Variants in THBS4 observed in about 807,000 individuals in gnomAD.
The protein encoded by THBS4 is thrombospondin-4.
Under a neutral mutation model 115.7 loss-of-function variants are expected in THBS4, and 90 were observed. The observed-to-expected ratio is 0.78, with a 90% CI of 0.66 to 0.93. THBS4 has a LOEUF of 0.93. THBS4 is among the 40% of genes least tolerant of loss of function. The pLI, the probability that THBS4 is intolerant of heterozygous loss-of-function variation, is 0.00. For synonymous variants in THBS4, 460 were observed against 479.3 expected (o/e 0.96, Z 0.53); for missense variants, 1,087 against 1,232.7 (o/e 0.88, Z 1.77).
At chr5:80,041,406 G>T (rs1267594846) in intron 2 of THBS4, among the ~76,000 whole-genome samples, 1 of 152,142 alleles carries the variant, frequency 6.6e-6, no homozygotes, top group East Asian at 1.9e-4. Flanking sequence ...GGAGGAAGGG[G>T]ACAGATACAA....
In THBS4 at chr5:79,996,913, G is replaced by T. The variant is rs1438998683; in HGVS notation, n.82-1419G>T. ...TTATTTCTATACTTCACTCAAAGTG[G>T]TAAAACCTAATATACCAATAGACTG... On this transcript the variant is annotated intron_variant and non_coding_transcript_variant, in intron 1 of 3. Transcript: ENST00000510218. Among the ~76,000 whole-genome samples, 3 of 151,868 alleles carry T rather than the reference G, an allele frequency of 2.0e-5. No homozygotes were observed. The East Asian group carries it at 5.8e-4, about 29-fold the overall frequency.
At chr5:80,003,000 G>A (rs759700977) in intron 2 of THBS4, among the ~76,000 whole-genome samples, 2 of 151,830 alleles carry the variant, frequency 1.3e-5, no homozygotes, top group Non-Finnish European at 1.5e-5. Flanking sequence ...ACAGAACAGG[G>A]AATATACATT....
intron 2 of THBS4, among the ~76,000 whole-genome samples, chr5:80,017,826 T>C (rs1832280516): frequency 6.6e-6 from 1 of 152,200 alleles, no homozygotes; most frequent in Non-Finnish European, 1.5e-5. Flanking sequence ...TATTTTACTC[T>C]TATTCTTAAA....
chr5:79,996,406 A>G (rs1374216144), intron 1 of THBS4, among the ~76,000 whole-genome samples: 1 of 152,180 alleles, frequency 6.6e-6, no homozygotes, highest in Non-Finnish European at 1.5e-5. Flanking sequence ...TAAAAGTTTT[A>G]TTTGGAAATC....
intron 14 of THBS4, chr5:80,072,643 G>A (rs1216422647): frequency 4.1e-6 from 2 of 488,806 alleles, no homozygotes; most frequent in East Asian, 3.2e-5. Context: ...CGAACTTCAT[G>A]ATGCTCAATA....
intron 2 of THBS4, among the ~76,000 whole-genome samples, chr5:80,018,389 CTTT>C (rs35373315): frequency 6.0e-5 from 6 of 100,000 alleles, no homozygotes; most frequent in South Asian, 6.3e-4. Context: ...TTCAAATATA[CTTT>C]TTTTTTTTTT....
At chr5:80,006,318 C>G (rs752443314) in intron 2 of THBS4, among the ~76,000 whole-genome samples, 1 of 152,118 alleles carries the variant, frequency 6.6e-6, no homozygotes. Flanking sequence ...GTGCTTTCCC[C>G]TGTACTGTTC....
chr5:80,052,504 A>C (rs1833287306), intron 2 of THBS4: 1 of 152,180 alleles, frequency 6.6e-6, no homozygotes, highest in South Asian at 2.1e-4. Context: ...TTAATACTTT[A>C]CTTCAGGAAA....
At chr5:80,078,736 CT>C in intron 17 of THBS4, 184 bp from the exon 18 acceptor site, 1 of 534,914 alleles carries the variant, frequency 1.9e-6, no homozygotes, top group Middle Eastern at 5.1e-4. Context: ...TTTTTTTAAC[CT>C]TTACAAGCAC....
At chr5:80,025,799 C>T (rs532811098) in intron 2 of THBS4, among the ~76,000 whole-genome samples, 8 of 152,222 alleles carry the variant, frequency 5.3e-5, no homozygotes, top group Non-Finnish European at 1.0e-4. Context: ...AATTCCTCTA[C>T]TACATTTACT....
intron 2 of THBS4, among the ~76,000 whole-genome samples, chr5:80,043,438 G>A (rs1274191989): frequency 6.6e-6 from 1 of 152,154 alleles, no homozygotes; most frequent in Non-Finnish European, 1.5e-5. Flanking sequence ...GACATGGTAG[G>A]CTCCAGACAG....
At chr5:80,071,224 C>T in intron 13 of THBS4, 44 bp downstream of exon 13, 3 of 1,544,788 alleles carry the variant, frequency 1.9e-6, no homozygotes, top group Non-Finnish European at 2.6e-6. Context: ...ATTCAGTTGA[C>T]CTTGTTCCAT....
chr5:80,003,353 A>G (rs1433118272), intron 2 of THBS4, among the ~76,000 whole-genome samples: 1 of 152,160 alleles, frequency 6.6e-6, no homozygotes, highest in Non-Finnish European at 1.5e-5. Context: ...AGAGGATGAG[A>G]AGAAGAGGAG....
At chr5:80,021,534 A>C (rs1832374946) in intron 2 of THBS4, among the ~76,000 whole-genome samples, 1 of 152,022 alleles carries the variant, frequency 6.6e-6, no homozygotes, top group Admixed American at 6.6e-5. Context: ...TCTTAGAGAC[A>C]GGGTCTCTGT....
At chr5:80,029,967 CA>C (rs200352278) in intron 2 of THBS4, among the ~76,000 whole-genome samples, 2 of 149,868 alleles carry the variant, frequency 1.3e-5, no homozygotes, top group Admixed American at 6.6e-5. Flanking sequence ...GACTCCATCT[CA>C]AAAAAAAATA....
intron 1 of THBS4, among the ~76,000 whole-genome samples, chr5:80,039,566 T>C (rs937578827): frequency 2.6e-5 from 4 of 152,222 alleles, no homozygotes; most frequent in Non-Finnish European, 5.9e-5. Flanking sequence ...CAAATCACTT[T>C]CTACCAGCAC....
chr5:80,064,642 G>A (rs1580968387), intron 8 of THBS4, among the ~76,000 whole-genome samples: 2 of 152,166 alleles, frequency 1.3e-5, no homozygotes, highest in East Asian at 1.9e-4. Context: ...TGAGGTGGGA[G>A]GATCACCTGA....
At chr5:80,017,232 C>T (rs892470628) in intron 2 of THBS4, among the ~76,000 whole-genome samples, 1 of 152,040 alleles carries the variant, frequency 6.6e-6, no homozygotes, top group South Asian at 2.1e-4. Context: ...AGAAAACCTC[C>T]CCAAATAAAG....
intron 2 of THBS4, among the ~76,000 whole-genome samples, chr5:80,041,843 A>C (rs1195170842): frequency 6.6e-6 from 1 of 152,170 alleles, no homozygotes; most frequent in African/African-American, 2.4e-5. Context: ...TGTTTATTTC[A>C]GTTTGCTTTA....
Sources: gnomAD v4.1 joint callset for allele counts (sites outside exome capture counted in the v4.1 genomes callset) on GRCh38, gnomAD v4.1.1 for gene constraint, MANE v1.5 for transcripts, NCBI Gene and HGNC (gene_info 2026-07-23, HGNC 2026-07-21) for gene names.